The following RNF24 variants were observed in gnomAD, a reference collection of about 807,000 sequenced individuals.
RNF24 encodes ring finger protein 24.
Under a neutral mutation model 20.0 loss-of-function variants are expected in RNF24, and 14 were observed. That is an observed-to-expected ratio of 0.70 (90% CI 0.46 to 1.10). RNF24 has a LOEUF of 1.10. Among genes scored for constraint, RNF24 ranks in the 50% least tolerant of loss-of-function variants. The pLI is 0.00. For synonymous variants in RNF24, 45 were observed against 61.1 expected (o/e 0.74, Z 1.23); for missense variants, 124 against 177.6 (o/e 0.70, Z 1.71).
Position 3,934,001 on chromosome 20 carries a change from A to T in RNF24, c.*62T>A. The T allele has an allele frequency of 7.2e-7, 1 of 1,397,838 alleles. No homozygotes were observed. The highest frequency in any genetic ancestry group is 1.5e-5 in the African/African-American group (1 of 66,980). The allele number at this position is 1,397,838 out of a possible 1,614,324, so 86.6% of individuals were successfully genotyped here. A position where few individuals can be genotyped will look rare whatever the true frequency, so the allele number is the denominator to read the frequency against. On this transcript the variant is annotated 3_prime_UTR_variant, in exon 6 of 6. Coordinates refer to ENST00000358395, the MANE Select transcript of RNF24 (RefSeq NM_001134337.3). The surrounding 1 kb of genome is among the most constrained non-coding windows in gnomAD (Gnocchi z 4.0). ...TAGAGAGCAGCCATACAGACACCAC[A>T]TGTGTTCCTCCTGGCTCCACACAGA...
chr20:3,972,928 C>A (rs186747755), intron 1 of RNF24, among the ~76,000 whole-genome samples: 1 of 145,196 alleles, frequency 6.9e-6, no homozygotes, highest in African/African-American at 2.6e-5. Flanking sequence ...AAGGGCTGGA[C>A]GGGATGGCTC....
intron 1 of RNF24, among the ~76,000 whole-genome samples, chr20:3,989,155 A>G (rs937790599): frequency 6.6e-6 from 1 of 152,182 alleles, no homozygotes; most frequent in African/African-American, 2.4e-5. Flanking sequence ...TTCTAGTTTA[A>G]AAGTAAAAAT....
At chr20:3,998,181 T>C (rs375023360) in intron 1 of RNF24, among the ~76,000 whole-genome samples, 8 of 151,288 alleles carry the variant, frequency 5.3e-5, no homozygotes, top group African/African-American at 1.7e-4. Flanking sequence ...TGGCTCAGGC[T>C]TGTAATCCCA....
At position 3,954,287 on chromosome 20, in the gene RNF24, G is replaced by T. The variant is rs751749694; in HGVS notation, c.144-6008C>A. On this transcript the variant is annotated intron_variant, in intron 2 of 5. Coordinates refer to ENST00000358395, the MANE Select transcript of RNF24 (RefSeq NM_001134337.3). ...CCCTGCAACCTCTTATCTGCTTTTT[G>T]TCTCTATAGATTTGCCTATTATGGA... 5.3e-5 allele frequency among the ~76,000 whole-genome samples: 8 copies of T among 151,846 alleles called. No individual in the cohort carries two copies. In the South Asian group the frequency reaches 6.2e-4, roughly 12 times the overall value.
chr20:3,983,961 AAAAAC>A (rs1979659913), intron 1 of RNF24, among the ~76,000 whole-genome samples: 2 of 151,064 alleles, frequency 1.3e-5, no homozygotes, highest in African/African-American at 2.4e-5. Flanking sequence ...AAAAAAAAAA[AAAAAC>A]AAGTGAAAAA....
At position 3,945,498 on chromosome 20, in the gene RNF24, T is replaced by C. The variant is rs533234772; in HGVS notation, c.187-280A>G. On this transcript the variant is annotated intron_variant, in intron 3 of 5. Coordinates refer to ENST00000358395, the MANE Select transcript of RNF24 (RefSeq NM_001134337.3). ...GGGATGCCAAGGCGGGTGGGTCGCC[T>C]GAGGTCAGGAGTTTGAGACCAGCCT... 5.9e-5 allele frequency among the ~76,000 whole-genome samples: 9 copies of C among 152,226 alleles called. No homozygotes were observed. In the East Asian group the frequency reaches 1.5e-3, roughly 26 times the overall value.
chr20:4,006,432 C>A (rs112059896), intron 1 of RNF24, among the ~76,000 whole-genome samples: 2,148 of 151,584 alleles, frequency 0.014, 26 homozygotes, highest in African/African-American at 0.028. Flanking sequence ...GAAAAATTTT[C>A]CTAATTCAAA....
chr20:3,953,297 A>G (rs1435118261), intron 2 of RNF24, among the ~76,000 whole-genome samples: 1 of 151,226 alleles, frequency 6.6e-6, no homozygotes, highest in East Asian at 1.9e-4. Flanking sequence ...GACTACAGAC[A>G]CCCGCCACCA....
At chr20:4,008,212 G>T (rs1982034748) in intron 1 of RNF24, among the ~76,000 whole-genome samples, 1 of 144,182 alleles carries the variant, frequency 6.9e-6, no homozygotes. Context: ...AAAGAGAGAG[G>T]TTAGGAAACC....
rs543722235 is a variant in RNF24 at position 3,991,851 on chromosome 20, A to C, written c.-8+23586T>G. On this transcript the variant is annotated intron_variant, in intron 1 of 5. Coordinates refer to ENST00000358395, the MANE Select transcript of RNF24 (RefSeq NM_001134337.3). ...TCTAATATCTCTCGAATGACAGTAA[A>C]ATAACATGAATAATGCACATTATTG... is the stretch of plus-strand genomic sequence containing the variant. Among the ~76,000 whole-genome samples the C allele has an allele frequency of 3.3e-5, 5 of 152,206 alleles. No homozygotes were observed. The East Asian group carries it at 9.6e-4, about 29-fold the overall frequency.
intron 1 of RNF24, among the ~76,000 whole-genome samples, chr20:4,010,469 T>A (rs1982373659): frequency 6.6e-6 from 1 of 152,228 alleles, no homozygotes; most frequent in Non-Finnish European, 1.5e-5. Flanking sequence ...TGCTTCCATC[T>A]TCTCATCACA....
At chr20:3,991,940 GCACA>G (rs113511343) in intron 1 of RNF24, among the ~76,000 whole-genome samples, 14 of 147,992 alleles carry the variant, frequency 9.5e-5, no homozygotes, top group East Asian at 2.0e-4. Context: ...ACACACACAC[GCACA>G]CACACACACA....
intron 2 of RNF24, among the ~76,000 whole-genome samples, chr20:3,960,381 A>T (rs2091188227): frequency 6.6e-6 from 1 of 152,194 alleles, no homozygotes; most frequent in Non-Finnish European, 1.5e-5. Context: ...ATTAAATTTT[A>T]AAAATTGGCC....
At chr20:3,935,391 C>G (rs1047719959) in intron 4 of RNF24, among the ~76,000 whole-genome samples, 1 of 152,188 alleles carries the variant, frequency 6.6e-6, no homozygotes, top group African/African-American at 2.4e-5. Context: ...CCAGCTTAGC[C>G]TGCTGTCCCT....
chr20:3,969,737 T>C (rs1239338905), intron 1 of RNF24, among the ~76,000 whole-genome samples: 1 of 151,210 alleles, frequency 6.6e-6, no homozygotes, highest in Non-Finnish European at 1.5e-5. Flanking sequence ...CTTGCTGGGA[T>C]AGTGTTAGAA....
chr20:3,995,924 G>A (rs1463679643), intron 1 of RNF24, among the ~76,000 whole-genome samples: 2 of 151,832 alleles, frequency 1.3e-5, no homozygotes, highest in African/African-American at 4.8e-5. Flanking sequence ...AATTTCATTA[G>A]CCCTGAAAGC....
intron 2 of RNF24, among the ~76,000 whole-genome samples, chr20:3,961,808 C>A (rs993830626): frequency 1.3e-5 from 2 of 149,054 alleles, no homozygotes; most frequent in Admixed American, 6.7e-5. Context: ...GAGGAATTAT[C>A]AAAAAAAACT....
At chr20:3,975,737 G>C (rs761648275) in intron 1 of RNF24, among the ~76,000 whole-genome samples, 3 of 152,132 alleles carry the variant, frequency 2.0e-5, no homozygotes, top group Non-Finnish European at 4.4e-5. Flanking sequence ...GAGGAAAAGA[G>C]ACACACAGAG....
intron 1 of RNF24, among the ~76,000 whole-genome samples, chr20:3,966,488 G>GTGTGTT (rs2091260221): frequency 6.6e-6 from 1 of 151,472 alleles, no homozygotes; most frequent in Non-Finnish European, 1.5e-5. Context: ...GTGTGTGTGT[G>GTGTGTT]TGTGTGTGTG....
Sources: gnomAD v4.1 joint callset for allele counts (sites outside exome capture counted in the v4.1 genomes callset) on GRCh38, gnomAD v4.1.1 for gene constraint, Gnocchi (gnomAD v3.1) non-coding constraint, MANE v1.5 for transcripts, NCBI Gene and HGNC (gene_info 2026-07-23, HGNC 2026-07-21) for gene names.